TSHZ3: variants seen among roughly 807,000 people sequenced by gnomAD.
TSHZ3 encodes teashirt zinc finger homeobox 3.
TSHZ3 carries 10 observed loss-of-function variants against 64.5 expected under a neutral mutation model. The ratio of observed to expected loss-of-function variants is 0.16; its 90% CI spans 0.10 to 0.26. The LOEUF is 0.26. Ranked by LOEUF, TSHZ3 falls within the 10% of genes least tolerant of loss-of-function variation. The probability of loss-of-function intolerance (pLI) is 1.00; values close to 1 mark genes in which losing one functional copy is unlikely to be tolerated. For missense variants in TSHZ3, 1,242 were observed against 1,421.7 expected (o/e 0.87, Z 2.03); for synonymous variants, 608 against 593.1 (o/e 1.03, Z -0.36).
At chr19:31,252,462 A>G (rs543332105) in intron 1 of TSHZ3, among the ~76,000 whole-genome samples, 1 of 152,192 alleles carries the variant, frequency 6.6e-6, no homozygotes. Context: ...CCATGTCCCT[A>G]ACCAAATCTC....
At chr19:31,229,843 A>C (rs1975516158) in intron 3 of TSHZ3, among the ~76,000 whole-genome samples, 3 of 152,246 alleles carry the variant, frequency 2.0e-5, no homozygotes, top group Admixed American at 6.5e-5. Flanking sequence ...AAAGATGTGC[A>C]AACTGAAACA....
intron 1 of TSHZ3, among the ~76,000 whole-genome samples, chr19:31,259,262 G>A (rs1568361875): frequency 6.6e-6 from 1 of 152,118 alleles, no homozygotes; most frequent in Non-Finnish European, 1.5e-5. Context: ...TTCACACTTG[G>A]TAGTCTTTTG....
intron 1 of TSHZ3, among the ~76,000 whole-genome samples, chr19:31,347,238 AAAATAAATAAAT>A (rs377686321): frequency 6.6e-6 from 1 of 151,580 alleles, no homozygotes; most frequent in Non-Finnish European, 1.5e-5. Context: ...GGTTGCTCTA[AAAATAAATAAAT>A]AAATAAATAA....
At chr19:31,280,224 AT>A (rs1196466454) in intron 1 of TSHZ3, among the ~76,000 whole-genome samples, 3 of 152,176 alleles carry the variant, frequency 2.0e-5, no homozygotes, top group African/African-American at 7.2e-5. Flanking sequence ...TACTCATTAC[AT>A]TTTTGAGGCT....
At position 31,200,394 on chromosome 19, in the gene TSHZ3, G is replaced by A. The variant is rs80084909; in HGVS notation, n.809+4562C>T. On this transcript the variant is annotated intron_variant and non_coding_transcript_variant, in intron 5 of 6. Coordinates refer to the TSHZ3 transcript ENST00000651361. ...TCTTGACTTTGGAATATCATTCAAG[G>A]CTAAAAAGAAATGAGCTACTAAGCC... Among the ~76,000 whole-genome samples the A allele has an allele frequency of 9.1e-3, 1,378 of 152,186 alleles. 20 individuals are homozygous for A. Among genetic ancestry groups the A allele is most frequent in the African/African-American group, 0.032 (1,315 of 41,514 alleles).
intron 5 of TSHZ3, among the ~76,000 whole-genome samples, chr19:31,185,319 GCTTCCTCACACCTTCC>G (rs1355581749): frequency 6.6e-6 from 1 of 152,146 alleles, no homozygotes; most frequent in African/African-American, 2.4e-5. Flanking sequence ...CTTCTCCCTC[GCTTCCTCACACCTTCC>G]CTTCCTCACA....
At chr19:31,155,779 C>T (rs1474454063) in intron 6 of TSHZ3, among the ~76,000 whole-genome samples, 1 of 152,174 alleles carries the variant, frequency 6.6e-6, no homozygotes, top group African/African-American at 2.4e-5. Flanking sequence ...TGAGGTTTCC[C>T]TGCCCTAAAT....
At chr19:31,192,784 C>T (rs1020102483) in intron 5 of TSHZ3, among the ~76,000 whole-genome samples, 2 of 152,162 alleles carry the variant, frequency 1.3e-5, no homozygotes, top group African/African-American at 2.4e-5. Context: ...CAGAGGAAAT[C>T]GTGAAATATA....
At position 31,278,413 on chromosome 19, in the gene TSHZ3, G is replaced by C. The variant is rs1301865893; in HGVS notation, c.1380C>G (p.Ala460=). 1 of 1,614,028 alleles carries C rather than the reference G, an allele frequency of 6.2e-7. No individual in the cohort carries two copies. Among genetic ancestry groups the C allele is most frequent in the East Asian group, 2.2e-5 (1 of 44,874 alleles). ...TTFTSPSNTP[A]SISPKLNVEV... ...CCACATTCAGTTTTGGGGAGATGCTGGCAGGTGTATTGGAGGGGGACGTGA... is the reference window on the plus strand; with the variant it reads ...CCACATTCAGTTTTGGGGAGATGCTCGCAGGTGTATTGGAGGGGGACGTGA... Residue 460 remains alanine (A), a synonymous_variant, in exon 2 of 2, where the codon GCC becomes GCG. Transcript: ENST00000240587. The surrounding 1 kb of genome is among the most constrained non-coding windows in gnomAD (Gnocchi z 4.7).
chr19:31,350,870 C>A (rs2021702265), upstream of TSHZ3, among the ~76,000 whole-genome samples: 1 of 147,230 alleles, frequency 6.8e-6, no homozygotes, highest in South Asian at 2.1e-4. Flanking sequence ...AGCTCTCAGG[C>A]CGGGAATGGG....
intron 1 of TSHZ3, among the ~76,000 whole-genome samples, chr19:31,248,263 G>A (rs981000094): frequency 1.3e-5 from 2 of 152,182 alleles, no homozygotes; most frequent in East Asian, 1.9e-4. Flanking sequence ...TAAAAAGAGA[G>A]AGGAAGAGAG....
At chr19:31,303,493 G>GCC (rs1400377035) in intron 1 of TSHZ3, among the ~76,000 whole-genome samples, 2 of 152,092 alleles carry the variant, frequency 1.3e-5, no homozygotes, top group Non-Finnish European at 2.9e-5. Context: ...CCTGCACGGG[G>GCC]CCTGCACAGG....
chr19:31,237,178 C>G (rs188237019), intron 3 of TSHZ3, among the ~76,000 whole-genome samples: 1 of 152,124 alleles, frequency 6.6e-6, no homozygotes, highest in Admixed American at 6.6e-5. Flanking sequence ...AAACAATCAA[C>G]AGAGTGAAAA....
chr19:31,312,573 GTTA>G (rs1464269322), intron 1 of TSHZ3, among the ~76,000 whole-genome samples: 1 of 152,130 alleles, frequency 6.6e-6, no homozygotes, highest in Non-Finnish European at 1.5e-5. Flanking sequence ...TACAGAAACA[GTTA>G]TTAACCCTTT....
intron 4 of TSHZ3, among the ~76,000 whole-genome samples, chr19:31,218,052 C>A (rs1344380532): frequency 6.6e-6 from 1 of 152,180 alleles, no homozygotes; most frequent in African/African-American, 2.4e-5. Flanking sequence ...ATAAGCTGGA[C>A]TTAATTAAAA....
At chr19:31,194,920 A>G (rs984723710) in intron 5 of TSHZ3, among the ~76,000 whole-genome samples, 7 of 152,334 alleles carry the variant, frequency 4.6e-5, no homozygotes, top group Non-Finnish European at 8.8e-5. Context: ...TGCTGGAGAT[A>G]AAAAACACTA....
chr19:31,276,942 C>T lies in TSHZ3; in HGVS notation c.2851G>A (p.Ala951Thr), dbSNP rs1976247716. The change falls in exon 2 of 2, where the codon GCC becomes ACC. Residue 951 changes from alanine to threonine, a missense_variant. Around this residue, in one of 4 missense-constraint regions of TSHZ3, gnomAD observed 11 missense variants for 31.9 expected, o/e 0.34. Coordinates refer to ENST00000240587, the MANE Select transcript of TSHZ3 (RefSeq NM_020856.4). ...LSMTTISHWLANVKYQLRRTG... is the reference protein window; with the variant it reads ...LSMTTISHWLTNVKYQLRRTG... ...CTTCGAAGCTGGTATTTCACGTTGG[C>T]CAGCCAGTGGCTGATGGTGGTCATG... The T allele has an allele frequency of 6.2e-7, 1 of 1,614,064 alleles. No individual in the cohort carries two copies. The highest frequency in any genetic ancestry group is 1.3e-5 in the African/African-American group (1 of 74,928).
intron 1 of TSHZ3, among the ~76,000 whole-genome samples, chr19:31,267,306 C>T (rs1976067338): frequency 6.6e-6 from 1 of 152,128 alleles, no homozygotes; most frequent in South Asian, 2.1e-4. Context: ...AGGAGACTGA[C>T]CTGGGCCCTC....
intron 1 of TSHZ3, among the ~76,000 whole-genome samples, chr19:31,318,679 CTAT>C (rs1488945235): frequency 1.3e-5 from 2 of 152,096 alleles, no homozygotes; most frequent in Non-Finnish European, 2.9e-5. Flanking sequence ...AAAATGTCTC[CTAT>C]TATTTTTATC....
Sources: gnomAD v4.1 joint callset for allele counts (sites outside exome capture counted in the v4.1 genomes callset) on GRCh38, gnomAD v4.1.1 for gene constraint, gnomAD v4.1.1 regional missense constraint, Gnocchi (gnomAD v3.1) non-coding constraint, MANE v1.5 for transcripts, NCBI Gene and HGNC (gene_info 2026-07-23, HGNC 2026-07-21) for gene names.